The following AFG2A variants were observed in gnomAD, a reference collection of about 807,000 sequenced individuals.
AFG2A encodes the protein ATPase family gene 2 protein homolog A.
the AFG2A span, among the ~76,000 whole-genome samples, chr4:123,160,672 T>G: frequency 2.4e-5 from 2 of 84,778 alleles, no homozygotes; most frequent in African/African-American, 7.1e-5. Flanking sequence ...AGCAGGAGTT[T>G]GGGCTCTATG....
chr4:123,056,274 A>ATCCCT, the AFG2A span: 1 of 951,878 alleles, frequency 1.1e-6, no homozygotes, highest in Non-Finnish European at 1.5e-6. Flanking sequence ...AAAGGGATTA[A>ATCCCT]TAAGCAGATT....
At chr4:123,231,538 A>G in the AFG2A span, among the ~76,000 whole-genome samples, 2 of 151,970 alleles carry the variant, frequency 1.3e-5, no homozygotes, top group East Asian at 3.9e-4. Context: ...ATCATCAGTA[A>G]GACTGTTTTG....
At chr4:122,965,512 C>G in the AFG2A span, among the ~76,000 whole-genome samples, 3 of 152,174 alleles carry the variant, frequency 2.0e-5, no homozygotes, top group Non-Finnish European at 4.4e-5. Flanking sequence ...TTCTTCCCTT[C>G]AAGGTATCTT....
At chr4:123,107,700 G>A in the AFG2A span, among the ~76,000 whole-genome samples, 1 of 152,202 alleles carries the variant, frequency 6.6e-6, no homozygotes, top group Non-Finnish European at 1.5e-5. Context: ...GGCTGTTTGT[G>A]CCAAGGAGTG....
chr4:123,123,380 G>C, the AFG2A span, among the ~76,000 whole-genome samples: 1 of 152,158 alleles, frequency 6.6e-6, no homozygotes, highest in Admixed American at 6.5e-5. Context: ...TGTAGTCAGT[G>C]TAGCACTTTA....
the AFG2A span, among the ~76,000 whole-genome samples, chr4:123,118,081 G>C: frequency 1.3e-5 from 2 of 151,088 alleles, no homozygotes; most frequent in South Asian, 4.2e-4. Context: ...TTTTTTAAAA[G>C]ATATTTTGTT....
chr4:122,933,985 CTCTG>C, the AFG2A span: 1 of 1,202,656 alleles, frequency 8.3e-7, no homozygotes, highest in Non-Finnish European at 1.1e-6. Flanking sequence ...TTTATTAATA[CTCTG>C]TCTTTGATTT....
At chr4:122,990,420 C>T in the AFG2A span, among the ~76,000 whole-genome samples, 5 of 152,152 alleles carry the variant, frequency 3.3e-5, no homozygotes, top group Admixed American at 1.3e-4. Context: ...TAGTTGTATC[C>T]TTTACCTCAC....
At chr4:123,234,027 G>C in the AFG2A span, among the ~76,000 whole-genome samples, 5 of 152,008 alleles carry the variant, frequency 3.3e-5, no homozygotes, top group Non-Finnish European at 7.4e-5. Context: ...CCATAAAAGA[G>C]GGGAAAATAA....
At chr4:123,312,336 T>C in the AFG2A span, among the ~76,000 whole-genome samples, 1 of 152,224 alleles carries the variant, frequency 6.6e-6, no homozygotes, top group East Asian at 1.9e-4. Flanking sequence ...TGGCAGGAAA[T>C]GTAGTGCTCT....
the AFG2A span, among the ~76,000 whole-genome samples, chr4:123,221,240 A>C: frequency 6.6e-6 from 1 of 152,166 alleles, no homozygotes; most frequent in Non-Finnish European, 1.5e-5. Flanking sequence ...ACTGCAGCCT[A>C]GACCTCCTGG....
the AFG2A span, among the ~76,000 whole-genome samples, chr4:123,073,641 A>G: frequency 4.6e-5 from 7 of 152,174 alleles, no homozygotes; most frequent in Non-Finnish European, 7.4e-5. Flanking sequence ...TTCTTCGTCA[A>G]AGAAAACTGA....
chr4:123,061,714 A>G, the AFG2A span, among the ~76,000 whole-genome samples: 1 of 152,176 alleles, frequency 6.6e-6, no homozygotes, highest in Non-Finnish European at 1.5e-5. Flanking sequence ...TTGGTATTCC[A>G]TGAATACTTA....
At chr4:123,259,350 T>C in the AFG2A span, among the ~76,000 whole-genome samples, 1 of 152,208 alleles carries the variant, frequency 6.6e-6, no homozygotes, top group African/African-American at 2.4e-5. Flanking sequence ...ATACAGAGAA[T>C]TGAAACACTT....
the AFG2A span, among the ~76,000 whole-genome samples, chr4:123,017,010 C>G: frequency 6.6e-6 from 1 of 152,098 alleles, no homozygotes; most frequent in Non-Finnish European, 1.5e-5. Flanking sequence ...CAATCGCAGG[C>G]CCTCGGCAGG....
the AFG2A span, among the ~76,000 whole-genome samples, chr4:123,219,231 T>C: frequency 5.9e-5 from 9 of 152,198 alleles, no homozygotes; most frequent in Non-Finnish European, 1.2e-4. Flanking sequence ...AGTATGATGT[T>C]CAGGAGTAGT....
the AFG2A span, among the ~76,000 whole-genome samples, chr4:123,136,034 G>A: frequency 0.012 from 1,901 of 152,192 alleles, 37 homozygotes; most frequent in African/African-American, 0.043. Flanking sequence ...AAACAAGGAA[G>A]TAAAAGATTT....
the AFG2A span, among the ~76,000 whole-genome samples, chr4:123,139,124 A>G: frequency 6.6e-6 from 1 of 152,126 alleles, no homozygotes; most frequent in Non-Finnish European, 1.5e-5. Context: ...AAACAGATGT[A>G]AATATTAAGA....
the AFG2A span, among the ~76,000 whole-genome samples, chr4:123,038,812 CT>C: frequency 6.6e-6 from 1 of 151,886 alleles, no homozygotes; most frequent in South Asian, 2.1e-4. Flanking sequence ...AATTTTTTTT[CT>C]TTCTGTTTTG....
Sources: allele counts gnomAD v4.1 joint callset (sites outside exome capture counted in the v4.1 genomes callset), GRCh38; gene constraint gnomAD v4.1.1; transcripts MANE v1.5; gene names NCBI Gene and HGNC (gene_info 2026-07-23, HGNC 2026-07-21).